Variants in EYS observed in about 807,000 individuals in gnomAD.
The protein encoded by EYS is EGF-like photoreceptor maintenance factor, also known as protein eyes shut homolog.
A neutral mutation model predicts 282.1 loss-of-function variants in EYS; 250 were observed. That is an observed-to-expected ratio of 0.89 (90% CI 0.80 to 0.98). EYS has a LOEUF of 0.98. EYS is among the 50% of genes least tolerant of loss of function. The probability of loss-of-function intolerance (pLI) is 0.00; values close to 1 mark genes in which losing one functional copy is unlikely to be tolerated. For missense variants in EYS, 4,016 were observed against 3,709.0 expected (o/e 1.08, Z -2.15); for synonymous variants, 1,355 against 1,282.9 (o/e 1.06, Z -1.20).
intron 12 of EYS, among the ~76,000 whole-genome samples, chr6:65,242,852 T>G (rs1454279360): frequency 6.6e-6 from 1 of 151,726 alleles, no homozygotes; most frequent in South Asian, 2.1e-4. Context: ...AGACTTGTAT[T>G]TTTTTTTAAA....
intron 5 of EYS, among the ~76,000 whole-genome samples, chr6:65,465,696 C>G (rs1378927435): frequency 6.6e-6 from 1 of 152,014 alleles, no homozygotes; most frequent in African/African-American, 2.4e-5. Flanking sequence ...CAAAATCAGG[C>G]CACGCATGGT....
At chr6:65,506,644 T>G (rs989494727) in intron 2 of EYS, among the ~76,000 whole-genome samples, 1 of 117,956 alleles carries the variant, frequency 8.5e-6, no homozygotes, top group African/African-American at 4.4e-5. Flanking sequence ...GACCAGACTA[T>G]GAATTTTTTT....
chr6:64,368,267 A>G (rs1420092301), intron 29 of EYS, among the ~76,000 whole-genome samples: 1 of 152,128 alleles, frequency 6.6e-6, no homozygotes, highest in Admixed American at 6.5e-5. Flanking sequence ...TTCAAAGGAC[A>G]TGATAGCATT....
At chr6:64,920,805 A>G (rs1330369733) in intron 15 of EYS, among the ~76,000 whole-genome samples, 1 of 152,114 alleles carries the variant, frequency 6.6e-6, no homozygotes, top group African/African-American at 2.4e-5. Context: ...GCAGAATTTT[A>G]AATACAAAAG....
At chr6:64,426,809 C>G (rs1774424456) in intron 28 of EYS, among the ~76,000 whole-genome samples, 1 of 152,096 alleles carries the variant, frequency 6.6e-6, no homozygotes, top group Non-Finnish European at 1.5e-5. Flanking sequence ...CATGATTAGC[C>G]ACAGTTTTCA....
intron 22 of EYS, among the ~76,000 whole-genome samples, chr6:64,712,035 T>G (rs936141407): frequency 1.4e-4 from 21 of 152,234 alleles, no homozygotes; most frequent in Non-Finnish European, 4.4e-5. Flanking sequence ...GGACAAGTTC[T>G]CAATCTGGTC....
chr6:65,437,452 G>A (rs1768118537), intron 5 of EYS, among the ~76,000 whole-genome samples: 2 of 152,038 alleles, frequency 1.3e-5, no homozygotes, highest in Non-Finnish European at 2.9e-5. Context: ...TTTTTTCATG[G>A]AAATCAGTTT....
chr6:63,988,883 G>A (rs995835713), intron 34 of EYS, among the ~76,000 whole-genome samples: 5 of 151,510 alleles, frequency 3.3e-5, no homozygotes, highest in Non-Finnish European at 5.9e-5. Context: ...TTTATGATAC[G>A]TATGAATAAA....
chr6:64,906,248 A>T (rs180702552), intron 16 of EYS, among the ~76,000 whole-genome samples: 1 of 151,908 alleles, frequency 6.6e-6, no homozygotes, highest in Admixed American at 6.5e-5. Flanking sequence ...CTCTAATAAG[A>T]TTTTTAACAT....
intron 13 of EYS, among the ~76,000 whole-genome samples, chr6:65,034,886 G>A (rs772745584): frequency 6.6e-5 from 10 of 151,932 alleles, no homozygotes; most frequent in South Asian, 2.1e-4. Context: ...TTCCTTTACC[G>A]ATACCTCACA....
rs180780241 is a variant in EYS, at chr6:65,331,870, T to C, written c.1766+3110A>G. The C allele has an allele frequency of 1.4e-4, 46 of 336,508 alleles. No homozygotes were observed. In the East Asian group the frequency reaches 7.3e-3, roughly 54 times the overall value. 20.8% of individuals were successfully genotyped at this position (336,508 alleles called of 1,614,324 possible). ...TATTGCTGAATAACATTTCATTGTA[T>C]GGATATAACAAATTTTATATATCCA... On this transcript the variant is annotated intron_variant, in intron 11 of 42. Transcript: ENST00000503581.
intron 22 of EYS, among the ~76,000 whole-genome samples, chr6:64,771,470 T>G (rs1458212165): frequency 6.6e-6 from 1 of 151,784 alleles, no homozygotes; most frequent in Non-Finnish European, 1.5e-5. Flanking sequence ...CTTATTTTTC[T>G]TTAGCTTACT....
At chr6:64,856,027 T>TG (rs66781216) in intron 19 of EYS, among the ~76,000 whole-genome samples, 23,215 of 152,122 alleles carry the variant, frequency 0.15, 2,003 homozygotes, top group East Asian at 0.43. Context: ...TAGGATGTGT[T>TG]GGGCTTCCAG....
chr6:64,464,072 G>A (rs1225041690), intron 26 of EYS, among the ~76,000 whole-genome samples: 1 of 152,022 alleles, frequency 6.6e-6, no homozygotes, highest in African/African-American at 2.4e-5. Context: ...AATCAAAATT[G>A]AACAACACAT....
chr6:63,837,923 G>A (rs931905572), intron 36 of EYS, among the ~76,000 whole-genome samples: 1 of 152,126 alleles, frequency 6.6e-6, no homozygotes, highest in Admixed American at 6.6e-5. Flanking sequence ...GAAGGCACAT[G>A]AATTTTGAGT....
At chr6:64,340,517 T>C (rs957643342) in intron 29 of EYS, among the ~76,000 whole-genome samples, 7 of 151,888 alleles carry the variant, frequency 4.6e-5, no homozygotes, top group African/African-American at 1.4e-4. Flanking sequence ...TGGCTAGCCA[T>C]GTGCAGAAGA....
rs76436720 is a variant in EYS, at chr6:65,545,050, C to T, written c.-332-49057G>A. Among the ~76,000 whole-genome samples the T allele has an allele frequency of 9.4e-3, 1,424 of 151,938 alleles. 23 individuals carry two copies. The highest frequency in any genetic ancestry group is 0.033 in the African/African-American group (1,368 of 41,478). On this transcript the variant is annotated intron_variant, in intron 2 of 42. Transcript: ENST00000503581. Reference sequence around the variant, plus strand: ...GAATCTAATTTTGCTTTAAAAATAACGGAAAATTACATTTTACTGGAAAAT... The same window carrying T: ...GAATCTAATTTTGCTTTAAAAATAATGGAAAATTACATTTTACTGGAAAAT...
intron 31 of EYS, among the ~76,000 whole-genome samples, chr6:64,085,020 T>G (rs1047354327): frequency 6.6e-6 from 1 of 151,696 alleles, no homozygotes; most frequent in African/African-American, 2.4e-5. Flanking sequence ...TTTCTTCTGT[T>G]GTTTTTTTTG....
chr6:64,924,570 A>G (rs956415099), intron 15 of EYS, among the ~76,000 whole-genome samples: 3 of 152,308 alleles, frequency 2.0e-5, no homozygotes, highest in Middle Eastern at 6.8e-3. Flanking sequence ...AAATTTTCCA[A>G]ATTATTATGC....
Sources: allele counts gnomAD v4.1 joint callset (sites outside exome capture counted in the v4.1 genomes callset), GRCh38; gene constraint gnomAD v4.1.1; transcripts MANE v1.5; gene names NCBI Gene and HGNC (gene_info 2026-07-23, HGNC 2026-07-21).